Variants in HECW1 observed in about 807,000 individuals in gnomAD.
The protein encoded by HECW1 is E3 ubiquitin-protein ligase HECW1.
Under a neutral mutation model 182.3 loss-of-function variants are expected in HECW1, and 61 were observed. That is an observed-to-expected ratio of 0.33 (90% CI 0.27 to 0.41). The LOEUF (loss-of-function observed/expected upper bound fraction) is 0.41. Among genes scored for constraint, HECW1 ranks in the 10% least tolerant of loss-of-function variants. The pLI is 1.00. For missense variants in HECW1, 1,739 were observed against 2,108.9 expected (o/e 0.82, Z 3.44); for synonymous variants, 859 against 832.6 (o/e 1.03, Z -0.55).
At chr7:43,507,845 A>G (rs942508860) in intron 22 of HECW1, among the ~76,000 whole-genome samples, 173 bp from the exon 23 acceptor site, 2 of 152,156 alleles carry the variant, frequency 1.3e-5, no homozygotes, top group Non-Finnish European at 2.9e-5. Context: ...GATGTTTTGA[A>G]AAGTGTGTTC....
intron 3 of HECW1, among the ~76,000 whole-genome samples, chr7:43,259,193 C>T (rs956369659): frequency 5.3e-5 from 8 of 152,128 alleles, no homozygotes; most frequent in African/African-American, 1.9e-4. Context: ...TCGAGACCAG[C>T]CTGGCCGACA....
intron 5 of HECW1, among the ~76,000 whole-genome samples, chr7:43,332,683 G>A (rs1811648938): frequency 6.6e-6 from 1 of 152,138 alleles, no homozygotes. Context: ...TCATCCCTGG[G>A]GAACAGTACA....
intron 4 of HECW1, among the ~76,000 whole-genome samples, chr7:43,319,256 G>A (rs552657895): frequency 7.4e-4 from 112 of 151,152 alleles, no homozygotes; most frequent in African/African-American, 2.3e-3. Flanking sequence ...GCGCGGTGGC[G>A]GGCGCCTGTA....
chr7:43,210,725 G>A (rs1001390334), intron 2 of HECW1, among the ~76,000 whole-genome samples: 4 of 152,136 alleles, frequency 2.6e-5, no homozygotes, highest in Non-Finnish European at 4.4e-5. Flanking sequence ...AGCCAAGCAG[G>A]AACAATGGCA....
At chr7:43,535,195 A>T (rs986272585) in intron 24 of HECW1, among the ~76,000 whole-genome samples, 1 of 152,190 alleles carries the variant, frequency 6.6e-6, no homozygotes, top group Non-Finnish European at 1.5e-5. Context: ...ACAAACAGCA[A>T]TGCGCTGAAG....
intron 2 of HECW1, among the ~76,000 whole-genome samples, chr7:43,195,651 C>G (rs895442173): frequency 1.3e-5 from 2 of 152,110 alleles, no homozygotes; most frequent in African/African-American, 2.4e-5. Flanking sequence ...ACTTTTGACA[C>G]CATTGTGAGA....
chr7:43,281,267 G>T (rs888753211), intron 3 of HECW1, among the ~76,000 whole-genome samples: 2 of 152,102 alleles, frequency 1.3e-5, no homozygotes, highest in East Asian at 3.9e-4. Context: ...CTCCAAAACG[G>T]CATCTCCTAT....
At chr7:43,241,810 G>T (rs1310841354) in intron 2 of HECW1, among the ~76,000 whole-genome samples, 2 of 152,024 alleles carry the variant, frequency 1.3e-5, no homozygotes, top group Non-Finnish European at 2.9e-5. Context: ...TACATAAACA[G>T]TTCATTAGAA....
In HECW1 at chr7:43,553,725, C is replaced by T. The variant is rs372375667; in HGVS notation, c.4511-867C>T. Among the ~76,000 whole-genome samples the T allele has an allele frequency of 2.0e-4, 30 of 151,992 alleles. No individual in the cohort carries two copies. The South Asian group carries it at 4.8e-3, about 24-fold the overall frequency. On this transcript the variant is annotated intron_variant, in intron 28 of 29. Coordinates refer to ENST00000395891, the MANE Select transcript of HECW1 (RefSeq NM_015052.5). ...GCTGTTAAGGCCCCATAACACCCCCCGGAAATATTCCTTCCTGCCTTCACC... is the reference window on the plus strand; with the variant it reads ...GCTGTTAAGGCCCCATAACACCCCCTGGAAATATTCCTTCCTGCCTTCACC...
rs775111309 is a variant in HECW1 at position 43,444,717 on chromosome 7, G to A, written c.1545G>A (p.Leu515=). The A allele has an allele frequency of 6.2e-7, 1 of 1,611,886 alleles. No homozygotes were observed. The highest frequency in any genetic ancestry group is 1.1e-5 in the South Asian group (1 of 90,796). ...EQEEEGDVST[L]EQGEGRLQLR... ...AGGAGGAGGGAGATGTGTCTACCCT[G>A]GAGCAGGGAGAGGGCAGGCTGCAGC... The change falls in exon 11 of 30, where the codon CTG becomes CTA. Residue 515 remains leucine (L), a synonymous_variant. Transcript: ENST00000395891. The surrounding 1 kb of genome is among the most constrained non-coding windows in gnomAD (Gnocchi z 4.3).
intron 2 of HECW1, among the ~76,000 whole-genome samples, chr7:43,136,121 G>T (rs1787510723): frequency 1.3e-5 from 2 of 151,692 alleles, no homozygotes; most frequent in South Asian, 4.2e-4. Context: ...AATCCAGGCT[G>T]ATGTTTACTA....
intron 3 of HECW1, among the ~76,000 whole-genome samples, chr7:43,277,333 C>G (rs180701586): frequency 2.6e-5 from 4 of 152,100 alleles, no homozygotes; most frequent in Middle Eastern, 3.4e-3. Flanking sequence ...GTGAACGGCC[C>G]GCATGTCCAA....
At chr7:43,512,943 G>C (rs993528548) in intron 24 of HECW1, among the ~76,000 whole-genome samples, 1 of 152,022 alleles carries the variant, frequency 6.6e-6, no homozygotes, top group Non-Finnish European at 1.5e-5. Context: ...TTTATCCTTC[G>C]CTGACCTTCT....
At chr7:43,212,667 G>T (rs145608534) in intron 2 of HECW1, among the ~76,000 whole-genome samples, 36 of 152,200 alleles carry the variant, frequency 2.4e-4, no homozygotes, top group African/African-American at 8.4e-4. Context: ...CTTGTTTATA[G>T]AACTTACTTT....
Position 43,244,725 on chromosome 7 carries a change from A to G in HECW1, c.27+793A>G, listed in dbSNP as rs567379937. ...GGTCTGCCTGTCTGAGCTGGAGTCC[A>G]TCCACTGGGCCCTGTGCTGCTCGGG... On this transcript the variant is annotated intron_variant, in intron 3 of 29. Coordinates refer to ENST00000395891, the MANE Select transcript of HECW1 (RefSeq NM_015052.5). Among the ~76,000 whole-genome samples the G allele has an allele frequency of 3.3e-5, 5 of 152,290 alleles. No homozygotes were observed. In the South Asian group the frequency reaches 8.3e-4, roughly 25 times the overall value.
intron 3 of HECW1, among the ~76,000 whole-genome samples, chr7:43,280,545 G>T (rs112249820): frequency 6.6e-6 from 1 of 152,134 alleles, no homozygotes; most frequent in Non-Finnish European, 1.5e-5. Context: ...GTAGTTCCTG[G>T]TGAGCAGAAA....
chr7:43,311,531 G>C lies in HECW1; in HGVS notation c.28-232G>C, dbSNP rs945241112. 1.5e-5 allele frequency: 11 copies of C among 724,366 alleles called. No individual in the cohort carries two copies. In the Admixed American group the frequency reaches 1.7e-4, roughly 11 times the overall value. The allele number at this position is 724,366 out of a possible 1,614,324, so 44.9% of individuals were successfully genotyped here. A position where few individuals can be genotyped will look rare whatever the true frequency, so the allele number is the denominator to read the frequency against. ...GAGGCAGAGACTCCAACAAAACATG[G>C]AAACGCAGGACACCCTGGTGCACTT... On this transcript the variant is annotated intron_variant, in intron 3 of 29. Coordinates refer to ENST00000395891, the MANE Select transcript of HECW1 (RefSeq NM_015052.5).
chr7:43,148,938 G>A (rs955976394), intron 2 of HECW1: 1 of 151,934 alleles, frequency 6.6e-6, no homozygotes, highest in Non-Finnish European at 1.5e-5. Flanking sequence ...CTTCAGCCCT[G>A]AAAGTAAATG....
chr7:43,459,151 GC>G (rs1255101621), intron 13 of HECW1, among the ~76,000 whole-genome samples: 1 of 152,162 alleles, frequency 6.6e-6, no homozygotes, highest in Non-Finnish European at 1.5e-5. Context: ...GCCCCAGGAA[GC>G]CGTCCCAGAA....
Sources: gnomAD v4.1 joint callset for allele counts (sites outside exome capture counted in the v4.1 genomes callset) on GRCh38, gnomAD v4.1.1 for gene constraint, Gnocchi (gnomAD v3.1) non-coding constraint, MANE v1.5 for transcripts, NCBI Gene and HGNC (gene_info 2026-07-23, HGNC 2026-07-21) for gene names.